The following TNRC6B variants were observed in gnomAD, a reference collection of about 807,000 sequenced individuals.
TNRC6B encodes trinucleotide repeat containing adaptor 6B.
In TNRC6B, 52 loss-of-function variants were observed where a neutral mutation model predicts 203.6. That is an observed-to-expected ratio of 0.26 (90% CI 0.20 to 0.32). TNRC6B has a LOEUF of 0.32. TNRC6B is among the 10% of genes least tolerant of loss of function. TNRC6B has a pLI of 1.00. For missense variants in TNRC6B, 1,923 were observed against 2,286.2 expected, an observed-to-expected ratio of 0.84 and a Z score of 3.24; for synonymous variants, 838 against 845.7, an observed-to-expected ratio of 0.99 and a Z score of 0.16.
At chr22:40,299,683 C>A (rs1386153840) in intron 12 of TNRC6B, among the ~76,000 whole-genome samples, 2 of 152,330 alleles carry the variant, frequency 1.3e-5, no homozygotes, top group Middle Eastern at 3.4e-3. Flanking sequence ...GCCTCTAGGA[C>A]TAAATTCTTG....
In TNRC6B at chr22:40,312,857, T is replaced by A. The variant is rs764614585; in HGVS notation, c.4583-45T>A. ...ACTCTCAAGGTTTCACTGGTTATAC[T>A]GACATTTATCTTCAGTATTTTCTTC... On this transcript the variant is annotated intron_variant, in intron 18 of 22. Coordinates refer to ENST00000454349, the MANE Select transcript of TNRC6B (RefSeq NM_001162501.2). 2.1e-5 allele frequency: 33 copies of A among 1,569,754 alleles called. No homozygotes were observed. In the African/African-American group the frequency reaches 3.8e-4, roughly 18 times the overall value.
In TNRC6B at chr22:40,153,205, A is replaced by T. The variant is rs573266886; in HGVS notation, c.46-2910A>T. ...GGTCTCAAAAAAATTCACCTTCTATATACCTTTTATCAGGAAATCACTGGA... is the reference window on the plus strand; with the variant it reads ...GGTCTCAAAAAAATTCACCTTCTATTTACCTTTTATCAGGAAATCACTGGA... On this transcript the variant is annotated intron_variant, in intron 3 of 23. Transcript: ENST00000301923. 3.8e-3 allele frequency among the ~76,000 whole-genome samples: 585 copies of T among 152,358 alleles called. 2 individuals carry two copies. The highest frequency in any genetic ancestry group is 7.0e-3 in the Non-Finnish European group (475 of 68,036).
intron 21 of TNRC6B, 151 bp from the exon 22 acceptor site, chr22:40,320,939 G>C: frequency 1.3e-5 from 11 of 842,514 alleles, no homozygotes; most frequent in Non-Finnish European, 1.8e-5. Flanking sequence ...CAGACCATAG[G>C]CTGAATCATA....
chr22:40,281,060 A>G, intron 10 of TNRC6B, 59 bp from the exon 11 acceptor site: 3 of 1,372,024 alleles, frequency 2.2e-6, no homozygotes, highest in Non-Finnish European at 2.9e-6. Flanking sequence ...CCCTTCTTGC[A>G]TTCTGTTGCT....
chr22:40,055,278 G>A (rs928076191), intron 1 of TNRC6B, among the ~76,000 whole-genome samples: 2 of 152,136 alleles, frequency 1.3e-5, no homozygotes, highest in Admixed American at 6.5e-5. Context: ...GGGATGAAAA[G>A]GAAGGTCATC....
At chr22:40,308,757 A>G in intron 16 of TNRC6B, 108 bp downstream of exon 16, 4 of 1,310,238 alleles carry the variant, frequency 3.1e-6, no homozygotes, top group Non-Finnish European at 3.1e-6. Context: ...TTCCTTGTGA[A>G]TCCTATGATT....
intron 1 of TNRC6B, among the ~76,000 whole-genome samples, chr22:40,234,823 G>T (rs1220234057): frequency 1.3e-5 from 2 of 152,046 alleles, no homozygotes; most frequent in African/African-American, 2.4e-5. Flanking sequence ...AATTTAATAT[G>T]TGCAAATTAC....
At chr22:40,074,883 G>C (rs569612471) in intron 1 of TNRC6B, among the ~76,000 whole-genome samples, 1 of 152,036 alleles carries the variant, frequency 6.6e-6, no homozygotes, top group African/African-American at 2.4e-5. Context: ...GCTTGAGCCT[G>C]GAAGGTGGAG....
intron 3 of TNRC6B, chr22:40,253,728 G>A (rs1370864662): frequency 2.2e-6 from 1 of 456,142 alleles, no homozygotes; most frequent in South Asian, 1.5e-5. Context: ...TGTAAACAGA[G>A]GGAGGGCCTG....
intron 3 of TNRC6B, among the ~76,000 whole-genome samples, chr22:40,141,431 C>T (rs778298731): frequency 2.0e-5 from 3 of 152,052 alleles, no homozygotes; most frequent in Non-Finnish European, 4.4e-5. Context: ...CTCCTGACCT[C>T]AAGTGATTCC....
At chr22:40,152,182 TA>T (rs1375928803) in intron 3 of TNRC6B, among the ~76,000 whole-genome samples, 1 of 152,222 alleles carries the variant, frequency 6.6e-6, no homozygotes, top group African/African-American at 2.4e-5. Context: ...AATAAGGACT[TA>T]AATGTTTCTA....
chr22:40,125,734 G>T, intron 2 of TNRC6B: 2 of 1,513,146 alleles, frequency 1.3e-6, no homozygotes, highest in South Asian at 2.6e-5. Flanking sequence ...TTTTTGCCCT[G>T]AATTCCTTAC....
intron 1 of TNRC6B, among the ~76,000 whole-genome samples, chr22:40,196,849 T>A (rs1393592951): frequency 2.0e-5 from 3 of 152,066 alleles, no homozygotes; most frequent in Non-Finnish European, 4.4e-5. Context: ...GGAAGGGACA[T>A]GAACTGATTC....
In TNRC6B at chr22:40,321,176, G is replaced by A. The variant is rs754081318; in HGVS notation, c.5061G>A (p.Leu1687=). 6 of 1,613,976 alleles carry A rather than the reference G, an allele frequency of 3.7e-6. No individual in the cohort carries two copies. The highest frequency in any genetic ancestry group is 5.1e-6 in the Non-Finnish European group (6 of 1,179,892). Residue 1687 remains leucine (L), a synonymous_variant, in exon 22 of 23, where the codon CTG becomes CTA. Transcript: ENST00000454349. ...TGAATCTAACCCAGGGCACTGCCCT[G>A]ATCCGATACAGCACCAAACAGGAGG... ...FHLNLTQGTA[L]IRYSTKQEAA... is the part of the protein sequence containing the mutation.
intron 1 of TNRC6B, among the ~76,000 whole-genome samples, chr22:40,072,362 G>A (rs1461133830): frequency 6.6e-6 from 1 of 152,110 alleles, no homozygotes. Flanking sequence ...GTAAGCATGT[G>A]GGCAGTGGGA....
At chr22:40,083,266 G>A (rs935051833) in intron 1 of TNRC6B, among the ~76,000 whole-genome samples, 1 of 152,154 alleles carries the variant, frequency 6.6e-6, no homozygotes, top group Non-Finnish European at 1.5e-5. Context: ...GGCCAGGACA[G>A]TGTTCAGTAA....
chr22:40,301,503 G>A (rs2071022722), intron 15 of TNRC6B, 170 bp downstream of exon 15: 3 of 723,374 alleles, frequency 4.1e-6, no homozygotes, highest in South Asian at 4.0e-5. Flanking sequence ...GTTTCAGTGG[G>A]TTTCCAGAGC....
chr22:40,307,955 C>T (rs1470728431), intron 15 of TNRC6B, among the ~76,000 whole-genome samples: 1 of 152,306 alleles, frequency 6.6e-6, no homozygotes, highest in Admixed American at 6.5e-5. Flanking sequence ...CCACCACTCT[C>T]CGCCTCACTT....
intron 1 of TNRC6B, among the ~76,000 whole-genome samples, chr22:40,108,838 C>T (rs1376001762): frequency 1.3e-5 from 2 of 152,162 alleles, no homozygotes; most frequent in African/African-American, 2.4e-5. Flanking sequence ...CATAGGTAAA[C>T]ATGTGCCATG....
Sources: allele counts gnomAD v4.1 joint callset (sites outside exome capture counted in the v4.1 genomes callset), GRCh38; gene constraint gnomAD v4.1.1; transcripts MANE v1.5; gene names NCBI Gene and HGNC (gene_info 2026-07-23, HGNC 2026-07-21).